Variants in ANKRD31 observed in about 807,000 individuals in gnomAD.
ANKRD31 encodes the protein ankyrin repeat domain 31.
ANKRD31 carries 147 observed loss-of-function variants against 186.0 expected under a neutral mutation model. The ratio of observed to expected loss-of-function variants is 0.79; its 90% CI spans 0.69 to 0.91. The LOEUF (loss-of-function observed/expected upper bound fraction) is 0.91. Among genes scored for constraint, ANKRD31 ranks in the 40% least tolerant of loss-of-function variants. The pLI, the probability that ANKRD31 is intolerant of heterozygous loss-of-function variation, is 0.00. For synonymous variants in ANKRD31, 673 were observed against 736.4 expected (o/e 0.91, Z 1.39); for missense variants, 1,986 against 2,148.8 (o/e 0.92, Z 1.50).
Position 75,146,541 on chromosome 5 carries a change from T to A in ANKRD31, c.2870A>T (p.Glu957Val), listed in dbSNP as rs2150144774. 1 of 1,536,506 alleles carries A rather than the reference T, an allele frequency of 6.5e-7. No homozygotes were observed. The highest frequency in any genetic ancestry group is 1.2e-5 in the South Asian group (1 of 84,026). ...TGTGGTTAGGCTGACTGCTTTTAACTCATTTTCCTGTGAAAGATGATCTTC... is the reference window on the plus strand; with the variant it reads ...TGTGGTTAGGCTGACTGCTTTTAACACATTTTCCTGTGAAAGATGATCTTC... The part of the protein sequence containing the change: ...LSEDHLSQEN[E>V]LKAVSLTTLP... The change falls in exon 14 of 26, where the codon GAG becomes GTG. Residue 957 changes from glutamate to valine, a missense_variant. Glu to Val is a moderately radical substitution (Grantham distance 121). Transcript: ENST00000506364.
At chr5:75,150,011 T>C (rs554636218) in intron 12 of ANKRD31, among the ~76,000 whole-genome samples, 1 of 151,928 alleles carries the variant, frequency 6.6e-6, no homozygotes, top group Admixed American at 6.6e-5. Flanking sequence ...TCTGAGGTGG[T>C]GATATTTAGT....
At chr5:75,139,110 T>C in intron 15 of ANKRD31, 127 bp from the exon 16 acceptor site, 1 of 1,025,992 alleles carries the variant, frequency 9.7e-7, no homozygotes. Flanking sequence ...ATTAATGTTA[T>C]CATTGCTGTT....
chr5:75,200,030 A>C (rs1035307052), intron 5 of ANKRD31, among the ~76,000 whole-genome samples: 1 of 152,164 alleles, frequency 6.6e-6, no homozygotes, highest in African/African-American at 2.4e-5. Flanking sequence ...CTCTTCTACT[A>C]CAGGTACTTA....
intron 11 of ANKRD31, among the ~76,000 whole-genome samples, chr5:75,163,535 G>C (rs1411766315): frequency 6.6e-6 from 1 of 152,180 alleles, no homozygotes; most frequent in East Asian, 1.9e-4. Flanking sequence ...ATTGTATGTT[G>C]TGTGCCAGTG....
At chr5:75,153,155 C>T (rs1318417629) in intron 12 of ANKRD31, among the ~76,000 whole-genome samples, 1 of 151,998 alleles carries the variant, frequency 6.6e-6, no homozygotes, top group Non-Finnish European at 1.5e-5. Flanking sequence ...AGCCTTCAGC[C>T]AACAACCAGC....
rs772871931 is a variant in ANKRD31, at chr5:75,147,049, G to C, written c.2362C>G (p.Leu788Val). The C allele has an allele frequency of 5.9e-6, 9 of 1,536,236 alleles. No individual in the cohort carries two copies. The African/African-American group carries it at 1.2e-4, about 21-fold the overall frequency. ...EELCEPSSLT[L>V]SSLRNGLDSS... ...TCTAATCCATTTCTCAGGCTTGACA[G>C]AGTTAAGCTGGAAGGTTCACACAAT... The change falls in exon 14 of 26, where the codon CTG (leucine) becomes GTG (valine). Residue 788 changes from leucine (L) to valine (V), a missense_variant. Leu to Val is a conservative substitution (Grantham distance 32). Coordinates refer to ENST00000506364, the MANE Select transcript of ANKRD31 (RefSeq NM_001372053.1).
chr5:75,188,032 C>T (rs933836819), intron 10 of ANKRD31, among the ~76,000 whole-genome samples: 1 of 152,110 alleles, frequency 6.6e-6, no homozygotes, highest in Non-Finnish European at 1.5e-5. Context: ...TTCTGAGCTC[C>T]CTGTCCCAAC....
In ANKRD31 at chr5:75,091,305, G is replaced by A; in HGVS notation, c.5428C>T (p.Leu1810=). The change falls in exon 23 of 26, where the codon CTG becomes TTG. Residue 1810 remains leucine (L), a synonymous_variant. Transcript: ENST00000506364. ...KNPVTWLKDL[L]GGNSYVTWNY... ...CAGGTCACATAACTGTTGCCTCCCA[G>A]AAGATCCTTGAGCCAGGTGACTGGG... is the stretch of plus-strand genomic sequence containing the variant. 1 of 1,537,072 alleles carries A rather than the reference G, an allele frequency of 6.5e-7. No individual in the cohort carries two copies. Among genetic ancestry groups the A allele is most frequent in the East Asian group, 2.4e-5 (1 of 40,900 alleles).
chr5:75,205,985 T>A (rs1306681144), intron 5 of ANKRD31, among the ~76,000 whole-genome samples: 1 of 151,694 alleles, frequency 6.6e-6, no homozygotes, highest in East Asian at 1.9e-4. Flanking sequence ...CCAAATCACA[T>A]TTTGAGTAGC....
At chr5:75,215,882 C>A (rs776523423) in intron 3 of ANKRD31, among the ~76,000 whole-genome samples, 5 of 151,060 alleles carry the variant, frequency 3.3e-5, no homozygotes, top group Admixed American at 6.6e-5. Context: ...CTGATAAAAT[C>A]AGTTTCTCTC....
chr5:75,175,944 A>G (rs1753761803), intron 10 of ANKRD31, among the ~76,000 whole-genome samples: 1 of 152,090 alleles, frequency 6.6e-6, no homozygotes, highest in Admixed American at 6.5e-5. Flanking sequence ...GCATCGCCAC[A>G]CCCGGGAAGC....
intron 25 of ANKRD31, among the ~76,000 whole-genome samples, chr5:75,071,124 G>A (rs1389310202): frequency 6.6e-6 from 1 of 151,998 alleles, no homozygotes; most frequent in Non-Finnish European, 1.5e-5. Context: ...AAAAGCTCAT[G>A]TTTTGGTAAC....
At chr5:75,176,790 G>T (rs1219374661) in intron 10 of ANKRD31, among the ~76,000 whole-genome samples, 1 of 152,196 alleles carries the variant, frequency 6.6e-6, no homozygotes, top group Admixed American at 6.5e-5. Context: ...GGAAAAAACA[G>T]AGCAGAAAAA....
chr5:75,206,763 G>A (rs1300349924), intron 4 of ANKRD31, among the ~76,000 whole-genome samples: 1 of 152,120 alleles, frequency 6.6e-6, no homozygotes, highest in East Asian at 1.9e-4. Context: ...TGACTTTGGA[G>A]GTGACTGTTT....
intron 19 of ANKRD31, among the ~76,000 whole-genome samples, chr5:75,114,772 G>A (rs1204938475): frequency 6.6e-6 from 1 of 152,146 alleles, no homozygotes; most frequent in Admixed American, 6.5e-5. Context: ...ACAAACAAAT[G>A]GAAGAACATT....
Position 75,146,873 on chromosome 5 carries a change from G to A in ANKRD31, c.2538C>T (p.Ile846=). ...SFPGLLLHKE[I]KLPVVTTDKQ... ...TATCTGTAGTAACAACTGGTAACTT[G>A]ATTTCTTTATGTAATAAAAGCCCTG... is the stretch of plus-strand genomic sequence containing the variant. Residue 846 remains isoleucine, a synonymous_variant, in exon 14 of 26, where the codon ATC becomes ATT. Transcript: ENST00000506364. The A allele has an allele frequency of 3.3e-6, 5 of 1,536,330 alleles. No individual in the cohort carries two copies. Among genetic ancestry groups the A allele is most frequent in the Middle Eastern group, 1.7e-4 (1 of 5,980 alleles).
intron 9 of ANKRD31, 95 bp from the exon 10 acceptor site, chr5:75,188,743 C>T (rs972780025): frequency 1.7e-5 from 18 of 1,061,442 alleles, no homozygotes; most frequent in African/African-American, 6.4e-5. Flanking sequence ...ACAAACTTCA[C>T]GAACATAGGT....
chr5:75,146,740 G>A lies in ANKRD31; in HGVS notation c.2671C>T (p.Leu891=). 6.5e-7 allele frequency: 1 copy of A among 1,536,238 alleles called. No individual in the cohort carries two copies. Among genetic ancestry groups the A allele is most frequent in the Non-Finnish European group, 8.7e-7 (1 of 1,146,316 alleles). The part of the protein sequence containing the change: ...ERFNKWENSF[L]SFVKENSDND... The stretch of plus-strand genomic sequence containing the variant: ...TCAGAATTTTCCTTTACAAAGGATA[G>A]GAAAGAATTTTCCCATTTGTTAAAT... Residue 891 remains leucine, a synonymous_variant, in exon 14 of 26, where the codon CTA becomes TTA. Coordinates refer to ENST00000506364, the MANE Select transcript of ANKRD31 (RefSeq NM_001372053.1).
At chr5:75,130,702 C>G (rs1171920827) in intron 17 of ANKRD31, among the ~76,000 whole-genome samples, 2 of 152,212 alleles carry the variant, frequency 1.3e-5, no homozygotes, top group African/African-American at 2.4e-5. Context: ...CTGATTGGTG[C>G]ATTTACAAAC....
Sources: gnomAD v4.1 joint callset for allele counts (sites outside exome capture counted in the v4.1 genomes callset) on GRCh38, gnomAD v4.1.1 for gene constraint, MANE v1.5 for transcripts, NCBI Gene and HGNC (gene_info 2026-07-23, HGNC 2026-07-21) for gene names.